OXNAD1: variants seen among roughly 807,000 people sequenced by gnomAD.
OXNAD1 encodes oxidoreductase NAD-binding domain-containing protein 1.
A neutral mutation model predicts 32.9 loss-of-function variants in OXNAD1; 34 were observed. That is an observed-to-expected ratio of 1.03 (90% CI 0.79 to 1.38). The LOEUF is 1.38. Ranked by LOEUF, OXNAD1 falls within the 40% of genes most tolerant of loss-of-function variation. The pLI is 0.00. For synonymous variants in OXNAD1, 134 were observed against 135.2 expected, an observed-to-expected ratio of 0.99 and a Z score of 0.06; for missense variants, 407 against 379.4, an observed-to-expected ratio of 1.07 and a Z score of -0.60.
chr3:16,334,006 A>AT lies in OXNAD1; in HGVS notation c.*31-3103dup, dbSNP rs576446475. Among the ~76,000 whole-genome samples, 38 of 152,162 alleles carry AT rather than the reference A, an allele frequency of 2.5e-4. No homozygotes were observed. Among genetic ancestry groups the AT allele is most frequent in the Non-Finnish European group, 4.3e-4 (29 of 68,036 alleles). ...CGGTGAAACCCCGTCTCTACTAAAAATTTAAAAAATTAGCCGGGCATGGTG... is the reference window on the plus strand; with the variant it reads ...CGGTGAAACCCCGTCTCTACTAAAAATTTTAAAAAATTAGCCGGGCATGGTG... On this transcript the variant is annotated intron_variant, in intron 9 of 9. Transcript: ENST00000435829. The surrounding 1 kb of genome is among the most constrained non-coding windows in gnomAD (Gnocchi z 4.3).
intron 4 of OXNAD1, chr3:16,272,100 T>C (rs1359199337): frequency 2.3e-6 from 1 of 428,812 alleles, no homozygotes; most frequent in South Asian, 1.8e-5. Flanking sequence ...CTTTTTTTTT[T>C]TTTTGCGTCA....
chr3:16,324,224 G>C (rs1574960503), intron 9 of OXNAD1, among the ~76,000 whole-genome samples: 1 of 152,032 alleles, frequency 6.6e-6, no homozygotes, highest in African/African-American at 2.4e-5. Flanking sequence ...TTACAATGTG[G>C]ACTGATTAAA....
rs756887075 is a variant in OXNAD1 at position 16,302,902 on chromosome 3, T to G, written c.784+154T>G. ...GATTCCTCATGGAAAAATGGATATTTAGTTGGGTTTACTCATTATATACAG... is the reference window on the plus strand; with the variant it reads ...GATTCCTCATGGAAAAATGGATATTGAGTTGGGTTTACTCATTATATACAG... On this transcript the variant is annotated intron_variant, in intron 8 of 8. Transcript: ENST00000285083. The surrounding 1 kb of genome is among the most constrained non-coding windows in gnomAD (Gnocchi z 4.2). Among the ~76,000 whole-genome samples the G allele has an allele frequency of 1.3e-5, 2 of 152,220 alleles. No individual in the cohort carries two copies. The highest frequency in any genetic ancestry group is 2.4e-5 in the African/African-American group (1 of 41,448).
At chr3:16,350,578 C>T (rs79407067), downstream of OXNAD1, among the ~76,000 whole-genome samples, 1,675 of 151,700 alleles carry the variant, frequency 0.011, 30 homozygotes, top group African/African-American at 0.037. Context: ...GAGTGGCACA[C>T]AAGAATTTGA....
At chr3:16,270,897 C>G (rs770077450) in intron 2 of OXNAD1, 48 bp from the exon 3 acceptor site, 1 of 1,610,950 alleles carries the variant, frequency 6.2e-7, no homozygotes, top group South Asian at 1.1e-5. Context: ...CTGATATTTC[C>G]CCACTTTTAA....
At chr3:16,319,957 G>A (rs571076546) in intron 9 of OXNAD1, among the ~76,000 whole-genome samples, 16 of 152,328 alleles carry the variant, frequency 1.1e-4, no homozygotes, top group Admixed American at 7.2e-4. Flanking sequence ...GATAAAACAG[G>A]TTGCACTGAG....
exon 10 of OXNAD1, chr3:16,349,609 T>A (rs766778211): frequency 2.6e-5 from 4 of 152,196 alleles, no homozygotes; most frequent in Admixed American, 2.6e-4. Flanking sequence ...AAGAAAAGGG[T>A]ATGTTCAAGA....
chr3:16,317,843 A>G lies in OXNAD1; in HGVS notation c.*30+14251A>G, dbSNP rs988228472. 1.3e-5 allele frequency among the ~76,000 whole-genome samples: 2 copies of G among 152,196 alleles called. No individual in the cohort carries two copies. The highest frequency in any genetic ancestry group is 2.1e-4 in the South Asian group (1 of 4,832). ...GCAACCTACAACCAATGACTGCCCC[A>G]GGTGGGATACAACAACCCATTTCCT... On this transcript the variant is annotated intron_variant, in intron 9 of 9. Transcript: ENST00000435829. This position sits in a 1 kb window ranked among gnomAD's most constrained non-coding sequence, Gnocchi z 4.3.
chr3:16,322,366 A>G lies in OXNAD1; in HGVS notation c.*31-14746A>G, dbSNP rs774540704. ...TGTTGGCTGGTGAGGGGCTGCTCCA[A>G]TCTGTTCATTTACTTGATGCTCCTT... On this transcript the variant is annotated intron_variant, in intron 9 of 9. Coordinates refer to the OXNAD1 transcript ENST00000435829. This position sits in a 1 kb window ranked among gnomAD's most constrained non-coding sequence, Gnocchi z 6.2. 1.3e-5 allele frequency among the ~76,000 whole-genome samples: 2 copies of G among 152,216 alleles called. No homozygotes were observed. The highest frequency in any genetic ancestry group is 6.5e-5 in the Admixed American group (1 of 15,282).
At chr3:16,276,458 G>T in intron 4 of OXNAD1, 1 of 201,638 alleles carries the variant, frequency 5.0e-6, no homozygotes, top group South Asian at 9.4e-5. Flanking sequence ...AGAGAGTCAG[G>T]AGTGAAATGG....
chr3:16,335,020 A>T lies in OXNAD1; in HGVS notation c.*31-2092A>T, dbSNP rs76621921. Among the ~76,000 whole-genome samples the T allele has an allele frequency of 0.015, 2,324 of 152,314 alleles. 72 individuals are homozygous for T. The highest frequency in any genetic ancestry group is 0.11 in the East Asian group (573 of 5,190). ...AATGGTCGGTAACAGATTGTCTCCT[A>T]AAAGTCTCCACAAAGAATGTGGTCC... On this transcript the variant is annotated intron_variant, in intron 9 of 9. Coordinates refer to the OXNAD1 transcript ENST00000435829. This position sits in a 1 kb window ranked among gnomAD's most constrained non-coding sequence, Gnocchi z 4.7.
chr3:16,342,349 C>G (rs1308697854), downstream of OXNAD1, among the ~76,000 whole-genome samples: 2 of 152,190 alleles, frequency 1.3e-5, no homozygotes, highest in East Asian at 1.9e-4. This position sits in a 1 kb window ranked among gnomAD's most constrained non-coding sequence, Gnocchi z 4.0. Context: ...AAGGTTCATA[C>G]ATGTAGCATA....
At chr3:16,272,081 G>C (rs957317088) in intron 4 of OXNAD1, 18 of 438,784 alleles carry the variant, frequency 4.1e-5, no homozygotes, top group Non-Finnish European at 7.7e-5. Flanking sequence ...CTGTTTTTTT[G>C]TGTGGGGTCT....
chr3:16,269,097 A>G, intron 1 of OXNAD1, 29 bp from the exon 2 acceptor site: 9 of 1,422,790 alleles, frequency 6.3e-6, no homozygotes, highest in Non-Finnish European at 5.5e-6. Flanking sequence ...TCCCCAAAAC[A>G]TTGTTATATG....
Position 16,316,876 on chromosome 3 carries a change from G to T in OXNAD1, c.*30+13284G>T, listed in dbSNP as rs552983670. 1 of 1,614,066 alleles carries T rather than the reference G, an allele frequency of 6.2e-7. No homozygotes were observed. The highest frequency in any genetic ancestry group is 1.7e-5 in the Admixed American group (1 of 60,020). ...GCTCTCTGACTTCCTCAGCATCCCC[G>T]TCCCTGGCATCCTCTCCAGGATTGG... On this transcript the variant is annotated intron_variant, in intron 9 of 9. Transcript: ENST00000435829. This position sits in a 1 kb window ranked among gnomAD's most constrained non-coding sequence, Gnocchi z 4.5.
intron 4 of OXNAD1, among the ~76,000 whole-genome samples, chr3:16,282,285 G>A (rs1383673050): frequency 2.0e-5 from 3 of 151,054 alleles, no homozygotes; most frequent in Non-Finnish European, 2.9e-5. Context: ...CTAAATAAAT[G>A]TCTGCTCTCC....
At chr3:16,269,318 T>C in intron 2 of OXNAD1, 43 bp downstream of exon 2, 4 of 1,523,928 alleles carry the variant, frequency 2.6e-6, no homozygotes, top group Non-Finnish European at 3.5e-6. Flanking sequence ...GGTAACATTA[T>C]TGACTTAGAA....
intron 4 of OXNAD1, chr3:16,275,518 A>G (rs1362294095): frequency 2.0e-5 from 3 of 152,464 alleles, no homozygotes; most frequent in Non-Finnish European, 4.4e-5. Flanking sequence ...AACGTAAGCT[A>G]TTATGGTGCC....
At chr3:16,323,734 G>A (rs113037100) in intron 9 of OXNAD1, among the ~76,000 whole-genome samples, 2 of 152,324 alleles carry the variant, frequency 1.3e-5, no homozygotes, top group African/African-American at 4.8e-5. Context: ...ACAGCATCTT[G>A]GCCAAATGTG....
Sources: gnomAD v4.1 joint callset for allele counts (sites outside exome capture counted in the v4.1 genomes callset) on GRCh38, gnomAD v4.1.1 for gene constraint, Gnocchi (gnomAD v3.1) non-coding constraint, MANE v1.5 for transcripts, NCBI Gene and HGNC (gene_info 2026-07-23, HGNC 2026-07-21) for gene names.